Variants in FRAS1 observed in about 807,000 individuals in gnomAD.
FRAS1 encodes the protein Fraser extracellular matrix complex subunit 1, also known as extracellular matrix organizing protein FRAS1.
Under a neutral mutation model 435.2 loss-of-function variants are expected in FRAS1, and 290 were observed. The ratio of observed to expected loss-of-function variants is 0.67; its 90% CI spans 0.61 to 0.73. The LOEUF (loss-of-function observed/expected upper bound fraction) is 0.73. FRAS1 is among the 30% of genes least tolerant of loss of function. The pLI, the probability that FRAS1 is intolerant of heterozygous loss-of-function variation, is 0.00. For synonymous variants in FRAS1, 1,800 were observed against 1,851.0 expected, an observed-to-expected ratio of 0.97 and a Z score of 0.71; for missense variants, 4,860 against 5,001.5, an observed-to-expected ratio of 0.97 and a Z score of 0.85.
At chr4:78,246,332 C>G (rs887562388) in intron 4 of FRAS1, among the ~76,000 whole-genome samples, 12 of 152,158 alleles carry the variant, frequency 7.9e-5, no homozygotes, top group African/African-American at 2.9e-4. Flanking sequence ...GGCTGCTATT[C>G]AGTGTGGGGA....
intron 2 of FRAS1, among the ~76,000 whole-genome samples, chr4:78,115,983 G>T (rs76322983): frequency 1.3e-5 from 2 of 152,168 alleles, no homozygotes; most frequent in Non-Finnish European, 2.9e-5. Flanking sequence ...ATAAATTTCC[G>T]TCTACACACT....
intron 37 of FRAS1, 147 bp from the exon 38 acceptor site, chr4:78,432,210 C>G: frequency 1.6e-6 from 1 of 621,090 alleles, no homozygotes; most frequent in Non-Finnish European, 2.5e-6. Context: ...AAAGGGAATC[C>G]TATAGTAGGT....
At chr4:78,478,628 A>G (rs1038947794) in intron 55 of FRAS1, among the ~76,000 whole-genome samples, 2 of 152,226 alleles carry the variant, frequency 1.3e-5, no homozygotes, top group Non-Finnish European at 2.9e-5. Context: ...TAAACATCAT[A>G]TGGAATTTTG....
At chr4:78,302,765 T>G (rs1332341319) in intron 14 of FRAS1, among the ~76,000 whole-genome samples, 1 of 152,222 alleles carries the variant, frequency 6.6e-6, no homozygotes, top group African/African-American at 2.4e-5. Flanking sequence ...TAGTCCTTTG[T>G]CAGATGAGTA....
chr4:78,432,581 A>G lies in FRAS1; in HGVS notation c.5194A>G (p.Thr1732Ala). ...TVASKSTAII[T>A]RSHLAYVDDS... is the part of the protein sequence containing the mutation. ...TGCCAGTAAAAGCACAGCCATAATC[A>G]CTAGGTCACACCTTGCTTACGTGGT... is the stretch of plus-strand genomic sequence containing the variant. Residue 1732 changes from threonine to alanine, a missense_variant, in exon 38 of 74, where the codon ACT (threonine) becomes GCT (alanine). Transcript: ENST00000512123. The G allele has an allele frequency of 6.3e-7, 1 of 1,597,752 alleles. No homozygotes were observed. The highest frequency in any genetic ancestry group is 8.5e-7 in the Non-Finnish European group (1 of 1,170,450).
chr4:78,364,606 G>A (rs1731194106), intron 22 of FRAS1, among the ~76,000 whole-genome samples: 1 of 152,122 alleles, frequency 6.6e-6, no homozygotes, highest in Non-Finnish European at 1.5e-5. Context: ...TCTCAAGTAA[G>A]TCAGAATATG....
At chr4:78,080,807 C>G (rs191088532) in intron 2 of FRAS1, among the ~76,000 whole-genome samples, 1 of 152,238 alleles carries the variant, frequency 6.6e-6, no homozygotes, top group Non-Finnish European at 1.5e-5. Context: ...TGTGGCAAGA[C>G]TATTTTTGTT....
chr4:78,526,613 C>G lies in FRAS1; in HGVS notation c.10881C>G (p.Asp3627Glu), dbSNP rs531331509. ...CTVQPTQPWV[D>E]PGEKPLACTA... Reference sequence around the variant, plus strand: ...TGCAGCCCACACAGCCATGGGTTGACCCAGGAGAGAAGCCTTTGGCCTGCA... The same window carrying G: ...TGCAGCCCACACAGCCATGGGTTGAGCCAGGAGAGAAGCCTTTGGCCTGCA... Residue 3627 changes from aspartate to glutamate, a missense_variant, in exon 70 of 74, where the codon GAC becomes GAG. Coordinates refer to ENST00000512123, the MANE Select transcript of FRAS1 (RefSeq NM_025074.7). The G allele has an allele frequency of 1.2e-5, 19 of 1,598,842 alleles. No homozygotes were observed. Among genetic ancestry groups the G allele is most frequent in the Non-Finnish European group, 1.4e-5 (17 of 1,173,552 alleles).
chr4:78,284,448 C>A lies in FRAS1; in HGVS notation c.1299C>A (p.Asp433Glu), dbSNP rs774994450. 6.2e-7 allele frequency: 1 copy of A among 1,613,850 alleles called. No homozygotes were observed. Among genetic ancestry groups the A allele is most frequent in the Non-Finnish European group, 8.5e-7 (1 of 1,179,818 alleles). ...GTTTGACATGCTCTCAGTCTCCAGA[C>A]CACTGTGACCTCTGCCAAGATCCTA... The part of the protein sequence containing the change: ...PDCLTCSQSP[D>E]HCDLCQDPTK... The change falls in exon 13 of 74, where the codon GAC (aspartate) becomes GAA (glutamate). Residue 433 changes from aspartate (D) to glutamate (E), a missense_variant. Transcript: ENST00000512123.
At chr4:78,255,497 T>C in intron 6 of FRAS1, 122 bp downstream of exon 6, 1 of 1,048,366 alleles carries the variant, frequency 9.5e-7, no homozygotes, top group East Asian at 2.6e-5. Flanking sequence ...CCTTTTTGTT[T>C]TCCTCATACT....
intron 32 of FRAS1, among the ~76,000 whole-genome samples, chr4:78,418,315 G>A (rs1051992331): frequency 6.6e-6 from 1 of 152,116 alleles, no homozygotes; most frequent in Non-Finnish European, 1.5e-5. Flanking sequence ...TGGTGTTTGG[G>A]GTGGGTTCAC....
chr4:78,390,802 G>A (rs758176396), intron 29 of FRAS1, among the ~76,000 whole-genome samples: 4 of 152,248 alleles, frequency 2.6e-5, no homozygotes, highest in Non-Finnish European at 5.9e-5. Context: ...TTACCCTGTG[G>A]CTACCTAGTT....
Position 78,481,930 on chromosome 4 carries a change from G to A in FRAS1, c.8570G>A (p.Arg2857Gln), listed in dbSNP as rs777269909. Residue 2857 changes from arginine to glutamine, a missense_variant, in exon 57 of 74, where the codon CGG (arginine) becomes CAG (glutamine). Coordinates refer to ENST00000512123, the MANE Select transcript of FRAS1 (RefSeq NM_025074.7). ...TPGVDYVPSS[R>Q]KVEFGPGVIE... ...GGAGTTGACTACGTTCCCAGCTCTC[G>A]GAAGGTGGAATTTGGGCCTGGTGTC... 8.1e-6 allele frequency: 13 copies of A among 1,613,806 alleles called. No individual in the cohort carries two copies. The highest frequency in any genetic ancestry group is 4.4e-5 in the South Asian group (4 of 91,054).
intron 28 of FRAS1, among the ~76,000 whole-genome samples, chr4:78,384,592 A>G (rs1732146418): frequency 6.6e-6 from 1 of 152,150 alleles, no homozygotes; most frequent in Non-Finnish European, 1.5e-5. Flanking sequence ...TAAATCTGCT[A>G]CCAGCCCTTC....
At chr4:78,088,607 AAG>A (rs1741333642) in intron 2 of FRAS1, among the ~76,000 whole-genome samples, 1 of 152,212 alleles carries the variant, frequency 6.6e-6, no homozygotes, top group Non-Finnish European at 1.5e-5. Context: ...CCCCATCAAA[AAG>A]TGGGCAAAGG....
rs964052457 is a variant in FRAS1 at position 78,360,715 on chromosome 4, C to A, written c.2423-2798C>A. Among the ~76,000 whole-genome samples, 4 of 152,170 alleles carry A rather than the reference C, an allele frequency of 2.6e-5. No individual in the cohort carries two copies. In the South Asian group the frequency reaches 6.2e-4, roughly 24 times the overall value. On this transcript the variant is annotated intron_variant, in intron 20 of 73. Coordinates refer to ENST00000512123, the MANE Select transcript of FRAS1 (RefSeq NM_025074.7). Reference sequence around the variant, plus strand: ...GAAGAGTAATAAGGGTTGAAAAGCACTGCTGGGTGAGGGGGAAGGAATGTC... The same window carrying A: ...GAAGAGTAATAAGGGTTGAAAAGCAATGCTGGGTGAGGGGGAAGGAATGTC...
intron 18 of FRAS1, among the ~76,000 whole-genome samples, chr4:78,321,328 G>T (rs962852015): frequency 6.6e-6 from 1 of 152,140 alleles, no homozygotes; most frequent in Non-Finnish European, 1.5e-5. Flanking sequence ...GTAGAATCCC[G>T]TGGGAATCTA....
In FRAS1 at chr4:78,542,425, G is replaced by C. The variant is rs3210826; in HGVS notation, c.*1301G>C. ...CTGCCTTATTGGCGGAAACATAAGC[G>C]TGCATGCCATGTTGTTTTGAATTGG... On this transcript the variant is annotated 3_prime_UTR_variant, in exon 74 of 74. Transcript: ENST00000512123. 1 of 152,440 alleles carries C rather than the reference G, an allele frequency of 6.6e-6. No homozygotes were observed. The highest frequency in any genetic ancestry group is 1.5e-5 in the Non-Finnish European group (1 of 68,014). The allele number at this position is 152,440 out of a possible 1,614,324, so 9.4% of individuals were successfully genotyped here. A position where few individuals can be genotyped will look rare whatever the true frequency, so the allele number is the denominator to read the frequency against.
intron 18 of FRAS1, among the ~76,000 whole-genome samples, chr4:78,326,822 T>C (rs1480895304): frequency 6.6e-6 from 1 of 152,068 alleles, no homozygotes; most frequent in African/African-American, 2.4e-5. Context: ...ACAGAAGAAG[T>C]AGATAAGTAT....
Sources: gnomAD v4.1 joint callset for allele counts (sites outside exome capture counted in the v4.1 genomes callset) on GRCh38, gnomAD v4.1.1 for gene constraint, MANE v1.5 for transcripts, NCBI Gene and HGNC (gene_info 2026-07-23, HGNC 2026-07-21) for gene names.